Variants in OSBPL1A observed in about 807,000 individuals in gnomAD.
OSBPL1A encodes oxysterol-binding protein-related protein 1.
A neutral mutation model predicts 137.1 loss-of-function variants in OSBPL1A; 80 were observed. The ratio of observed to expected loss-of-function variants is 0.58; its 90% CI spans 0.49 to 0.70. The LOEUF (loss-of-function observed/expected upper bound fraction) is 0.70. OSBPL1A is among the 30% of genes least tolerant of loss of function. The probability of loss-of-function intolerance (pLI) is 0.00; values close to 1 mark genes in which losing one functional copy is unlikely to be tolerated. For synonymous variants in OSBPL1A, 365 were observed against 389.7 expected, an observed-to-expected ratio of 0.94 and a Z score of 0.75; for missense variants, 970 against 1,129.4, an observed-to-expected ratio of 0.86 and a Z score of 2.02.
chr18:24,292,106 A>C (rs1220153875), intron 14 of OSBPL1A, among the ~76,000 whole-genome samples: 1 of 152,054 alleles, frequency 6.6e-6, no homozygotes, highest in Non-Finnish European at 1.5e-5. Context: ...AAAATATCAG[A>C]AGTCAGAATA....
At chr18:24,390,818 G>C (rs1568072274) in intron 1 of OSBPL1A, among the ~76,000 whole-genome samples, 1 of 150,244 alleles carries the variant, frequency 6.7e-6, no homozygotes, top group Non-Finnish European at 1.5e-5. Flanking sequence ...GTAACTTTTT[G>C]GCCAGGTGCA....
intron 4 of OSBPL1A, among the ~76,000 whole-genome samples, chr18:24,350,763 A>G (rs1480963765): frequency 6.6e-6 from 1 of 152,314 alleles, no homozygotes; most frequent in East Asian, 1.9e-4. Context: ...CAACCTAGAA[A>G]TCTATACATA....
chr18:24,164,440 T>A (rs1304531263), intron 27 of OSBPL1A, among the ~76,000 whole-genome samples: 1 of 140,216 alleles, frequency 7.1e-6, no homozygotes, highest in Non-Finnish European at 1.5e-5. Flanking sequence ...TTTTTTTTTT[T>A]TTTTTTGAGA....
chr18:24,340,434 G>A (rs1157669435), intron 5 of OSBPL1A, among the ~76,000 whole-genome samples: 12 of 152,110 alleles, frequency 7.9e-5, no homozygotes, highest in Admixed American at 7.9e-4. Flanking sequence ...GTACTTTTGG[G>A]AGGCCGAGAT....
chr18:24,386,740 G>A lies in OSBPL1A; in HGVS notation c.-2-9205C>T, dbSNP rs142945072. On this transcript the variant is annotated intron_variant, in intron 1 of 27. Transcript: ENST00000319481. ...TTTGGGAGGCCAAGCCAGGTGGATC[G>A]CTTGAGCCCAGGAGTTTGAGACCAG... 4.9e-3 allele frequency among the ~76,000 whole-genome samples: 741 copies of A among 152,158 alleles called. 5 individuals are homozygous for A. Among genetic ancestry groups the A allele is most frequent in the African/African-American group, 0.017 (707 of 41,532 alleles).
intron 6 of OSBPL1A, among the ~76,000 whole-genome samples, chr18:24,333,791 C>T (rs139996030): frequency 1.6e-3 from 246 of 152,304 alleles, no homozygotes; most frequent in African/African-American, 5.6e-3. Context: ...TTCCAAAATA[C>T]TGTCCCTTCT....
intron 17 of OSBPL1A, among the ~76,000 whole-genome samples, chr18:24,199,905 A>G (rs1251942764): frequency 6.6e-6 from 1 of 152,146 alleles, no homozygotes; most frequent in African/African-American, 2.4e-5. Flanking sequence ...ACAACAAAGA[A>G]TTACCCACCT....
At position 24,317,194 on chromosome 18, in the gene OSBPL1A, A is replaced by G; in HGVS notation, c.825T>C (p.Asn275=). Residue 275 remains asparagine, a synonymous_variant, in exon 11 of 28, where the codon AAT becomes AAC. Transcript: ENST00000319481. Reference sequence around the variant, plus strand: ...GGTGTTTGCATCCCTGGCGATAAATATTATGAACTGCATCAGGCCTTCAAA... The same window carrying G: ...GGTGTTTGCATCCCTGGCGATAAATGTTATGAACTGCATCAGGCCTTCAAA... The part of the protein sequence containing the change: ...WYRKQPDAVH[N]IYRQGCKHLT... The G allele has an allele frequency of 1.2e-6, 2 of 1,614,018 alleles. No homozygotes were observed. The highest frequency in any genetic ancestry group is 1.7e-6 in the Non-Finnish European group (2 of 1,179,944).
At chr18:24,278,496 CTAAA>C (rs779622764) in intron 15 of OSBPL1A, among the ~76,000 whole-genome samples, 19 of 152,118 alleles carry the variant, frequency 1.2e-4, no homozygotes, top group Admixed American at 6.5e-4. Flanking sequence ...ATTTAAGAGG[CTAAA>C]AGAGGTCAAT....
intron 21 of OSBPL1A, among the ~76,000 whole-genome samples, chr18:24,176,198 T>C (rs1207454407): frequency 3.3e-5 from 5 of 152,208 alleles, no homozygotes; most frequent in Admixed American, 1.3e-4. Flanking sequence ...TTAAAAATCA[T>C]CTTGGGATTT....
At chr18:24,346,018 A>G (rs1301290419) in intron 4 of OSBPL1A, among the ~76,000 whole-genome samples, 1 of 152,214 alleles carries the variant, frequency 6.6e-6, no homozygotes, top group African/African-American at 2.4e-5. Flanking sequence ...CAATTTGACA[A>G]CTAACTACTA....
rs7244144 is a variant in OSBPL1A, at chr18:24,181,592, G to A, written c.1678-313C>T. Among the ~76,000 whole-genome samples, 484 of 152,312 alleles carry A rather than the reference G, an allele frequency of 3.2e-3. 1 individual carries two copies. Among genetic ancestry groups the A allele is most frequent in the African/African-American group, 0.011 (473 of 41,570 alleles). The stretch of plus-strand genomic sequence containing the variant: ...CTGCCTTACATCAGAATTAGGAAAT[G>A]GGAGACAAAGGCAATGGAGACAGAA... On this transcript the variant is annotated intron_variant, in intron 18 of 27. Transcript: ENST00000319481.
At chr18:24,359,942 G>A (rs988984886) in intron 4 of OSBPL1A, among the ~76,000 whole-genome samples, 1 of 152,140 alleles carries the variant, frequency 6.6e-6, no homozygotes, top group African/African-American at 2.4e-5. Context: ...TGCCTCAAGA[G>A]CTGGGGAACT....
At chr18:24,197,249 A>C (rs981640435) in intron 17 of OSBPL1A, among the ~76,000 whole-genome samples, 1 of 152,188 alleles carries the variant, frequency 6.6e-6, no homozygotes, top group Non-Finnish European at 1.5e-5. Context: ...CAGGAGGCTG[A>C]GACAGGAGAA....
intron 17 of OSBPL1A, among the ~76,000 whole-genome samples, chr18:24,221,846 T>C (rs2145982841): frequency 6.6e-6 from 1 of 152,338 alleles, no homozygotes; most frequent in South Asian, 2.1e-4. Context: ...GTGACTTTTT[T>C]AAAGCTACTG....
chr18:24,237,455 C>T (rs1176144614), intron 16 of OSBPL1A, among the ~76,000 whole-genome samples: 1 of 152,072 alleles, frequency 6.6e-6, no homozygotes, highest in African/African-American at 2.4e-5. Flanking sequence ...CAGGCATGCA[C>T]CATCACGCCT....
Position 24,179,944 on chromosome 18 carries a change from G to GT in OSBPL1A, c.1813-110dup, listed in dbSNP as rs2086556234. 3 of 827,104 alleles carry GT rather than the reference G, an allele frequency of 3.6e-6. No individual in the cohort carries two copies. The Admixed American group carries it at 6.3e-5, about 17-fold the overall frequency. The allele number at this position is 827,104 out of a possible 1,614,324, so 51.2% of individuals were successfully genotyped here. On this transcript the variant is annotated intron_variant, in intron 19 of 27. Transcript: ENST00000319481. ...GTAATTTACAGAATTATTTTGAGGA[G>GT]TTTCATTACTTTGGAGTTTTAATAT...
intron 17 of OSBPL1A, among the ~76,000 whole-genome samples, chr18:24,207,751 C>T (rs966261499): frequency 1.3e-5 from 2 of 152,110 alleles, no homozygotes; most frequent in African/African-American, 4.8e-5. Context: ...AACTATCAGA[C>T]TTCTTATCGT....
intron 4 of OSBPL1A, 42 bp downstream of exon 4, chr18:24,366,849 CA>C: frequency 6.4e-7 from 1 of 1,574,202 alleles, no homozygotes; most frequent in Non-Finnish European, 8.7e-7. Context: ...ACTACTCCTC[CA>C]AATACCTCAC....
Sources: gnomAD v4.1 joint callset for allele counts (sites outside exome capture counted in the v4.1 genomes callset) on GRCh38, gnomAD v4.1.1 for gene constraint, MANE v1.5 for transcripts, NCBI Gene and HGNC (gene_info 2026-07-23, HGNC 2026-07-21) for gene names.